ARMC7: variants seen among roughly 807,000 people sequenced by gnomAD.
ARMC7 encodes the protein armadillo repeat-containing protein 7.
Under a neutral mutation model 14.8 loss-of-function variants are expected in ARMC7, and 9 were observed. The ratio of observed to expected loss-of-function variants is 0.61; its 90% CI spans 0.37 to 1.06. The LOEUF (loss-of-function observed/expected upper bound fraction) is 1.06, where lower values mean the gene tolerates loss of function less well. ARMC7 is among the 50% of genes least tolerant of loss of function. The probability of loss-of-function intolerance (pLI) is 0.01; values close to 1 mark genes in which losing one functional copy is unlikely to be tolerated. For synonymous variants in ARMC7, 125 were observed against 123.4 expected, an observed-to-expected ratio of 1.01 and a Z score of -0.09; for missense variants, 262 against 267.1, an observed-to-expected ratio of 0.98 and a Z score of 0.13.
chr17:75,110,742 C>A, intron 2 of ARMC7, 136 bp downstream of exon 2: 1 of 1,191,202 alleles, frequency 8.4e-7, no homozygotes, highest in Non-Finnish European at 1.2e-6. Context: ...GCGGGCGGAT[C>A]ACCTGAGGTC....
At chr17:75,111,303 G>A (rs951531233) in intron 2 of ARMC7, among the ~76,000 whole-genome samples, 12 of 151,438 alleles carry the variant, frequency 7.9e-5, no homozygotes, top group Admixed American at 5.3e-4. Flanking sequence ...AAAATTAGCC[G>A]GGCATGGTGG....
chr17:75,125,007 T>C (rs1164139670), intron 2 of ARMC7, among the ~76,000 whole-genome samples: 1 of 152,160 alleles, frequency 6.6e-6, no homozygotes, highest in African/African-American at 2.4e-5. Context: ...AGTGCTGAAG[T>C]GGGACTGGCA....
intron 2 of ARMC7, among the ~76,000 whole-genome samples, chr17:75,115,450 A>G (rs984205561): frequency 1.3e-5 from 2 of 152,062 alleles, no homozygotes; most frequent in African/African-American, 4.8e-5. Context: ...GAGGCAGAAG[A>G]GTTGCTTGAA....
intron 2 of ARMC7, among the ~76,000 whole-genome samples, chr17:75,123,569 G>C (rs2074029408): frequency 6.6e-6 from 1 of 151,860 alleles, no homozygotes; most frequent in Non-Finnish European, 1.5e-5. Context: ...TAGCCAGGAC[G>C]GTCTTGATCT....
At chr17:75,123,049 T>A (rs55909562) in intron 2 of ARMC7, among the ~76,000 whole-genome samples, 7,608 of 149,424 alleles carry the variant, frequency 0.051, 643 homozygotes, top group African/African-American at 0.17. Flanking sequence ...TTTTTTTTTT[T>A]AATTTTTGAG....
chr17:75,109,995 G>A lies in ARMC7; in HGVS notation c.-294G>A. ...GAACCGAGCCCAGGAGCCGGGGACGGTGCGCCAGTGCCCCCTCCGCGAGCC... is the reference window on the plus strand; with the variant it reads ...GAACCGAGCCCAGGAGCCGGGGACGATGCGCCAGTGCCCCCTCCGCGAGCC... On this transcript the variant is annotated 5_prime_UTR_variant, in exon 1 of 3. It adds an upstream start codon to the 5' untranslated region. Coordinates refer to ENST00000245543, the MANE Select transcript of ARMC7 (RefSeq NM_024585.4). This position sits in a 1 kb window ranked among gnomAD's most constrained non-coding sequence, Gnocchi z 5.0. 1 of 350,386 alleles carries A rather than the reference G, an allele frequency of 2.9e-6. No homozygotes were observed. Among genetic ancestry groups the A allele is most frequent in the East Asian group, 5.5e-5 (1 of 18,076 alleles). 21.7% of individuals were successfully genotyped at this position (350,386 alleles called of 1,614,324 possible).
chr17:75,121,074 A>G (rs180920861), intron 2 of ARMC7, among the ~76,000 whole-genome samples: 10 of 152,272 alleles, frequency 6.6e-5, no homozygotes, highest in Admixed American at 6.5e-4. Context: ...ACCATGCAGG[A>G]TCTACTCTCG....
intron 2 of ARMC7, among the ~76,000 whole-genome samples, chr17:75,125,693 AT>A (rs892480873): frequency 6.6e-6 from 1 of 151,516 alleles, no homozygotes; most frequent in African/African-American, 2.4e-5. Flanking sequence ...CAAAAAAAAA[AT>A]TAGCCAGGTG....
rs138342781 is a variant in ARMC7, at chr17:75,128,729, C to G, written c.288C>G (p.His96Gln). ...PDRANKEHIL[H>Q]AGGVPLIINC... ...GGGCCAACAAGGAGCACATCCTGCA[C>G]GCAGGAGGTGTCCCACTCATCATCA... Residue 96 changes from histidine (H) to glutamine (Q), a missense_variant, in exon 3 of 3, where the codon CAC becomes CAG. Physicochemically the swap from His to Gln is conservative, Grantham distance 24 (BLOSUM62 0). Transcript: ENST00000245543. 1.9e-6 allele frequency: 3 copies of G among 1,613,384 alleles called. No individual in the cohort carries two copies. Among genetic ancestry groups the G allele is most frequent in the Non-Finnish European group, 1.7e-6 (2 of 1,179,926 alleles).
chr17:75,125,799 G>A (rs2074047333), intron 2 of ARMC7, among the ~76,000 whole-genome samples: 1 of 152,108 alleles, frequency 6.6e-6, no homozygotes. Context: ...AGCCGAGATC[G>A]CGCCACTTCA....
intron 2 of ARMC7, among the ~76,000 whole-genome samples, chr17:75,124,503 G>T (rs1187687561): frequency 6.6e-6 from 1 of 152,238 alleles, no homozygotes; most frequent in Non-Finnish European, 1.5e-5. Flanking sequence ...TACACAGAGA[G>T]AAATCCCATC....
chr17:75,125,269 G>C (rs976077454), intron 2 of ARMC7, among the ~76,000 whole-genome samples: 4 of 152,184 alleles, frequency 2.6e-5, no homozygotes, highest in African/African-American at 9.7e-5. Flanking sequence ...CCGGGTCAGT[G>C]CTTAAAGGAT....
At chr17:75,122,765 A>C (rs1488954627) in intron 2 of ARMC7, among the ~76,000 whole-genome samples, 2 of 152,172 alleles carry the variant, frequency 1.3e-5, no homozygotes, top group African/African-American at 4.8e-5. Context: ...GACAAGGCAG[A>C]GTCCCCATTC....
intron 2 of ARMC7, 133 bp from the exon 3 acceptor site, chr17:75,128,544 G>A (rs979885336): frequency 3.8e-4 from 486 of 1,286,980 alleles, no homozygotes; most frequent in Non-Finnish European, 4.7e-4. Context: ...GGCAGGAGCC[G>A]GAATGGGCTT....
At chr17:75,126,109 C>A (rs1192329745) in intron 2 of ARMC7, among the ~76,000 whole-genome samples, 1 of 152,160 alleles carries the variant, frequency 6.6e-6, no homozygotes, top group Admixed American at 6.6e-5. Context: ...ACTCAGGACA[C>A]TGGGCATGTT....
rs1032067219 is a variant in ARMC7 at position 75,129,178 on chromosome 17, C to G, written c.*140C>G. On this transcript the variant is annotated 3_prime_UTR_variant, in exon 3 of 3. Coordinates refer to ENST00000245543, the MANE Select transcript of ARMC7 (RefSeq NM_024585.4). ...AGGCGGGTTCTTTCAGCAGGACAGG[C>G]ATTTACACTGATGAAACGCCACTGG... The G allele has an allele frequency of 3.3e-6, 4 of 1,214,162 alleles. No individual in the cohort carries two copies. The highest frequency in any genetic ancestry group is 1.6e-5 in the South Asian group (1 of 61,794). The allele number at this position is 1,214,162 out of a possible 1,614,324, so 75.2% of individuals were successfully genotyped here.
At position 75,129,999 on chromosome 17, in the gene ARMC7, G is replaced by A. The variant is rs933871905; in HGVS notation, c.*961G>A. 6.3e-6 allele frequency: 1 copy of A among 157,488 alleles called. No individual in the cohort carries two copies. Among genetic ancestry groups the A allele is most frequent in the Non-Finnish European group, 1.4e-5 (1 of 71,162 alleles). The allele number at this position is 157,488 out of a possible 1,614,324, so 9.8% of individuals were successfully genotyped here. A position where few individuals can be genotyped will look rare whatever the true frequency, so the allele number is the denominator to read the frequency against. On this transcript the variant is annotated 3_prime_UTR_variant, in exon 3 of 3. Transcript: ENST00000245543. ...CAACATAAGGAGCGTGGGATCCGAT[G>A]GAAAGGTGGAGCTCAGGGAAAATGG...
At chr17:75,122,806 G>A (rs1307286186) in intron 2 of ARMC7, among the ~76,000 whole-genome samples, 1 of 151,878 alleles carries the variant, frequency 6.6e-6, no homozygotes, top group East Asian at 1.9e-4. Context: ...TGGAGCAACA[G>A]CCAATATTTT....
intron 2 of ARMC7, among the ~76,000 whole-genome samples, chr17:75,118,923 A>C (rs1265442743): frequency 1.3e-5 from 2 of 152,190 alleles, no homozygotes; most frequent in Non-Finnish European, 2.9e-5. Flanking sequence ...GTTAGTGATA[A>C]CTGGAGCCAG....
Sources: gnomAD v4.1 joint callset for allele counts (sites outside exome capture counted in the v4.1 genomes callset) on GRCh38, gnomAD v4.1.1 for gene constraint, Gnocchi (gnomAD v3.1) non-coding constraint, MANE v1.5 for transcripts, NCBI Gene and HGNC (gene_info 2026-07-23, HGNC 2026-07-21) for gene names.